Variants in USH2A observed in about 807,000 individuals in gnomAD.
The protein encoded by USH2A is usherin.
In USH2A, 443 loss-of-function variants were observed where a neutral mutation model predicts 538.9. That is an observed-to-expected ratio of 0.82 (90% CI 0.76 to 0.89). USH2A has a LOEUF of 0.89. Among genes scored for constraint, USH2A ranks in the 40% least tolerant of loss-of-function variants. The pLI is 0.00. For synonymous variants in USH2A, 2,413 were observed against 2,273.5 expected, an observed-to-expected ratio of 1.06 and a Z score of -1.75; for missense variants, 6,633 against 6,324.8, an observed-to-expected ratio of 1.05 and a Z score of -1.65.
At position 216,093,427 on chromosome 1, in the gene USH2A, G is replaced by A. The variant is rs548740068; in HGVS notation, c.4758+3656C>T. ...AAGGGTAAGGGGGCGGAAATGATGGGCAAATGCCCTGTGAATGTTTCCCTG... is the reference window on the plus strand; with the variant it reads ...AAGGGTAAGGGGGCGGAAATGATGGACAAATGCCCTGTGAATGTTTCCCTG... On this transcript the variant is annotated intron_variant, in intron 22 of 71. Coordinates refer to ENST00000307340, the MANE Select transcript of USH2A (RefSeq NM_206933.4). Among the ~76,000 whole-genome samples, 53 of 149,174 alleles carry A rather than the reference G, an allele frequency of 3.6e-4. No individual in the cohort carries two copies. The South Asian group carries it at 4.0e-3, about 11-fold the overall frequency.
At chr1:215,719,725 C>G (rs945356754) in intron 61 of USH2A, among the ~76,000 whole-genome samples, 1 of 152,052 alleles carries the variant, frequency 6.6e-6, no homozygotes, top group Non-Finnish European at 1.5e-5. Flanking sequence ...TTGCAGCAGC[C>G]CTATGAGATA....
At chr1:215,842,819 CA>C (rs1241462591) in intron 46 of USH2A, among the ~76,000 whole-genome samples, 2 of 151,824 alleles carry the variant, frequency 1.3e-5, no homozygotes, top group Non-Finnish European at 2.9e-5. Context: ...GGGGGGGCAT[CA>C]GGGGAGGGAG....
intron 38 of USH2A, among the ~76,000 whole-genome samples, chr1:215,921,105 A>T (rs1198973618): frequency 6.6e-6 from 1 of 152,034 alleles, no homozygotes; most frequent in Admixed American, 6.6e-5. Flanking sequence ...AAGTTTGTTA[A>T]TTTTTCAAAA....
chr1:216,365,213 CATT>C, intron 3 of USH2A, 128 bp from the exon 4 acceptor site: 1 of 1,108,410 alleles, frequency 9.0e-7, no homozygotes. Context: ...AGACTGAAAA[CATT>C]ATTTTAATAG....
At position 215,774,496 on chromosome 1, in the gene USH2A, T is replaced by C. The variant is rs142719522; in HGVS notation, c.10939+5347A>G. On this transcript the variant is annotated intron_variant, in intron 55 of 71. Transcript: ENST00000307340. ...AACAACAAAAATATAATATGAATTA[T>C]ATCTGTGATATATATATTTTGATTT... Among the ~76,000 whole-genome samples the C allele has an allele frequency of 4.0e-3, 606 of 152,046 alleles. 26 individuals are homozygous for C. The East Asian group carries it at 0.094, about 23-fold the overall frequency.
intron 38 of USH2A, 106 bp from the exon 39 acceptor site, chr1:215,901,011 C>T: frequency 7.3e-7 from 1 of 1,366,190 alleles, no homozygotes. Context: ...TCAGGATCAA[C>T]AACAATGTTA....
At position 216,324,215 on chromosome 1, in the gene USH2A, A is replaced by G. The variant is rs1446535858; in HGVS notation, c.1281T>C (p.Asn427=). The G allele has an allele frequency of 2.5e-6, 4 of 1,613,306 alleles. No homozygotes were observed. The highest frequency in any genetic ancestry group is 2.2e-5 in the South Asian group (2 of 91,050). The part of the protein sequence containing the change: ...RNCGAFGMKN[N]GDLEKPDSVN... ...CAGAATCAGGTTTTTCCAAATCTCC[A>G]TTGTTTTTCATTCCAAAAGCACCAC... Residue 427 remains asparagine (N), a synonymous_variant, in exon 7 of 72, where the codon AAT becomes AAC. Transcript: ENST00000307340.
intron 40 of USH2A, among the ~76,000 whole-genome samples, chr1:215,893,507 C>A (rs1014388786): frequency 6.6e-6 from 1 of 152,130 alleles, no homozygotes; most frequent in East Asian, 1.9e-4. Context: ...GGAAGGCCAG[C>A]AGATAGCATT....
intron 44 of USH2A, among the ~76,000 whole-genome samples, chr1:215,856,325 C>G (rs1034644891): frequency 6.6e-6 from 1 of 152,110 alleles, no homozygotes; most frequent in Admixed American, 6.6e-5. Flanking sequence ...ACAAGCAACT[C>G]AAACAAATTA....
chr1:216,419,626 C>T (rs1432901308), intron 2 of USH2A, among the ~76,000 whole-genome samples: 2 of 152,058 alleles, frequency 1.3e-5, no homozygotes, highest in East Asian at 1.9e-4. Context: ...TCCATCTGTA[C>T]ACTCCATTAG....
At chr1:215,981,884 A>G (rs1571864456) in intron 35 of USH2A, among the ~76,000 whole-genome samples, 1 of 152,220 alleles carries the variant, frequency 6.6e-6, no homozygotes, top group Non-Finnish European at 1.5e-5. Context: ...GCACTATGCT[A>G]TTGACATAAA....
At chr1:215,989,987 A>T (rs1419767690) in intron 35 of USH2A, among the ~76,000 whole-genome samples, 1 of 152,222 alleles carries the variant, frequency 6.6e-6, no homozygotes, top group Non-Finnish European at 1.5e-5. Context: ...TGCTCCCAAG[A>T]TTGTTCTAAG....
chr1:215,773,490 CTGTCTCTCTCTCTCTCTCTCTG>C (rs1481250044), intron 55 of USH2A, among the ~76,000 whole-genome samples: 21 of 146,454 alleles, frequency 1.4e-4, no homozygotes, highest in Admixed American at 4.7e-4. Flanking sequence ...CTCTGTCTCT[CTGTCTCTCTCTCTCTCTCTCTG>C]TCTCTCTCTC....
rs78110353 is a variant in USH2A at position 215,659,383 on chromosome 1, G to A, written c.14134-8582C>T. Among the ~76,000 whole-genome samples, 898 of 152,296 alleles carry A rather than the reference G, an allele frequency of 5.9e-3. 26 individuals carry two copies. In the South Asian group the frequency reaches 0.072, roughly 12 times the overall value. ...AGTAAGGGCCGGAAAGCAATGGGAT[G>A]AGGACAGAATTGGACAAAAATGAGA... is the stretch of plus-strand genomic sequence containing the variant. On this transcript the variant is annotated intron_variant, in intron 64 of 71. Transcript: ENST00000307340.
chr1:216,246,863 C>G lies in USH2A; in HGVS notation c.2531G>C (p.Cys844Ser), dbSNP rs564453853. 1 of 1,614,130 alleles carries G rather than the reference C, an allele frequency of 6.2e-7. No individual in the cohort carries two copies. Among genetic ancestry groups the G allele is most frequent in the African/African-American group, 1.3e-5 (1 of 75,038 alleles). Residue 844 changes from cysteine to serine, a missense_variant, in exon 13 of 72, where the codon TGT becomes TCT. Transcript: ENST00000307340. ...FYLRQNNSFLCLPCNCDKTGT... is the reference protein window; with the variant it reads ...FYLRQNNSFLSLPCNCDKTGT... Reference sequence around the variant, plus strand: ...AGTCTTATCACAGTTGCAAGGCAGACAGAGGAAAGAATTATTTTGCCGTAG... The same window carrying G: ...AGTCTTATCACAGTTGCAAGGCAGAGAGAGGAAAGAATTATTTTGCCGTAG...
chr1:216,161,077 CTTTATA>C (rs1272509164), intron 21 of USH2A, among the ~76,000 whole-genome samples: 3 of 151,858 alleles, frequency 2.0e-5, no homozygotes, highest in Non-Finnish European at 4.4e-5. Flanking sequence ...CGAATTTTGT[CTTTATA>C]TTTAAAGTAT....
intron 38 of USH2A, 53 bp from the exon 39 acceptor site, chr1:215,900,958 C>T: frequency 1.2e-6 from 2 of 1,609,920 alleles, no homozygotes; most frequent in Non-Finnish European, 1.7e-6. Flanking sequence ...AGAACATATG[C>T]TGGATGGAAT....
intron 53 of USH2A, 95 bp from the exon 54 acceptor site, chr1:215,782,291 T>C: frequency 1.5e-6 from 2 of 1,299,436 alleles, no homozygotes; most frequent in South Asian, 2.5e-5. Flanking sequence ...AGAAATGCAA[T>C]ACTATAGCTT....
chr1:216,050,536 C>T (rs1219495862), intron 30 of USH2A, among the ~76,000 whole-genome samples: 3 of 142,858 alleles, frequency 2.1e-5, no homozygotes, highest in African/African-American at 7.7e-5. Context: ...TCTGCCTCTA[C>T]ATGCTACTAG....
Sources: allele counts gnomAD v4.1 joint callset (sites outside exome capture counted in the v4.1 genomes callset), GRCh38; gene constraint gnomAD v4.1.1; transcripts MANE v1.5; gene names NCBI Gene and HGNC (gene_info 2026-07-23, HGNC 2026-07-21).